STRIP1: variants seen among roughly 807,000 people sequenced by gnomAD.
STRIP1 encodes striatin interacting protein 1.
Under a neutral mutation model 106.2 loss-of-function variants are expected in STRIP1, and 63 were observed. That is an observed-to-expected ratio of 0.59 (90% CI 0.48 to 0.73). The LOEUF (loss-of-function observed/expected upper bound fraction) is 0.73. Ranked by LOEUF, STRIP1 falls within the 30% of genes least tolerant of loss-of-function variation. The pLI, the probability that STRIP1 is intolerant of heterozygous loss-of-function variation, is 0.00. For synonymous variants in STRIP1, 390 were observed against 413.0 expected (o/e 0.94, Z 0.67); for missense variants, 857 against 1,074.8 (o/e 0.80, Z 2.83).
intron 13 of STRIP1, 78 bp downstream of exon 13, chr1:110,046,829 A>G: frequency 5.7e-6 from 6 of 1,057,886 alleles, no homozygotes; most frequent in Non-Finnish European, 7.3e-6. Flanking sequence ...AGGAGGGCAG[A>G]TCATGAGGTC....
At chr1:110,040,412 C>T (rs1445281113) in intron 5 of STRIP1, among the ~76,000 whole-genome samples, 2 of 152,194 alleles carry the variant, frequency 1.3e-5, no homozygotes, top group Non-Finnish European at 2.9e-5. Flanking sequence ...AAACTCTTGA[C>T]CTCAGGTGAT....
At position 110,040,620 on chromosome 1, in the gene STRIP1, C is replaced by T. The variant is rs774413937; in HGVS notation, c.582-15C>T. 5.0e-6 allele frequency: 8 copies of T among 1,606,884 alleles called. No individual in the cohort carries two copies. The Admixed American group carries it at 1.2e-4, about 24-fold the overall frequency. On this transcript the variant is annotated splice_polypyrimidine_tract_variant and intron_variant, in intron 5 of 20. Coordinates refer to ENST00000369795, the MANE Select transcript of STRIP1 (RefSeq NM_033088.4). ...CTTCTTGGAGGAAGATGCTGACTCTCAAAATCTCCTGCAGCAACAGTGCCG... is the reference window on the plus strand; with the variant it reads ...CTTCTTGGAGGAAGATGCTGACTCTTAAAATCTCCTGCAGCAACAGTGCCG...
intron 12 of STRIP1, 179 bp downstream of exon 12, chr1:110,045,257 T>C (rs1416316049): frequency 1.3e-5 from 8 of 600,008 alleles, no homozygotes; most frequent in East Asian, 2.8e-5. Context: ...TGTTTTATTA[T>C]AAGTTTTACT....
At chr1:110,033,648 G>A (rs540373803), upstream of STRIP1, among the ~76,000 whole-genome samples, 6 of 152,070 alleles carry the variant, frequency 3.9e-5, no homozygotes, top group East Asian at 9.7e-4. Flanking sequence ...CCATCACAGG[G>A]GCCCTACCCT....
intron 18 of STRIP1, 95 bp from the exon 19 acceptor site, chr1:110,050,861 A>C: frequency 1.4e-6 from 1 of 738,958 alleles, no homozygotes; most frequent in Non-Finnish European, 2.5e-6. Context: ...AGGCCTGGAG[A>C]CCCGGCTGTC....
At chr1:110,035,791 A>ATAC (rs964092117) in intron 1 of STRIP1, among the ~76,000 whole-genome samples, 27 of 152,346 alleles carry the variant, frequency 1.8e-4, no homozygotes, top group Middle Eastern at 3.4e-3. Context: ...AAGAGCAATG[A>ATAC]TACTACCTTT....
intron 16 of STRIP1, 29 bp downstream of exon 16, chr1:110,049,267 G>T: frequency 6.2e-7 from 1 of 1,613,766 alleles, no homozygotes; most frequent in East Asian, 2.2e-5. Context: ...CTCCTGTCCT[G>T]TGGGCTGGGG....
At position 110,053,878 on chromosome 1, in the gene STRIP1, C is replaced by T. The variant is rs1653416945; in HGVS notation, c.2480C>T (p.Ser827Phe). ...CTCTGGTTAGAAAGGGAGGTCTTCT[C>T]CAAGCCCATTTCCTGGGAAGAGCTG... is the stretch of plus-strand genomic sequence containing the variant. ...YDLWLEREVF[S>F]KPISWEELLQ The change falls in exon 21 of 21, where the codon TCC (serine) becomes TTC (phenylalanine). Residue 827 changes from serine to phenylalanine, a missense_variant. Coordinates refer to ENST00000369795, the MANE Select transcript of STRIP1 (RefSeq NM_033088.4). 6.2e-7 allele frequency: 1 copy of T among 1,614,018 alleles called. No individual in the cohort carries two copies. Among genetic ancestry groups the T allele is most frequent in the African/African-American group, 1.3e-5 (1 of 74,922 alleles).
intron 5 of STRIP1, among the ~76,000 whole-genome samples, chr1:110,040,369 A>G (rs1652699665): frequency 6.6e-6 from 1 of 151,932 alleles, no homozygotes; most frequent in African/African-American, 2.4e-5. Flanking sequence ...TTTAGTAGAG[A>G]TGGGGTTTCG....
chr1:110,053,951 A>G lies in STRIP1; in HGVS notation c.*39A>G. ...GGGACTGAAATGGAGAGAAAAGATG[A>G]TCTGAAGGTACCTGTGGGACTGTCC... On this transcript the variant is annotated 3_prime_UTR_variant, in exon 21 of 21. Coordinates refer to ENST00000369795, the MANE Select transcript of STRIP1 (RefSeq NM_033088.4). 1 of 1,609,618 alleles carries G rather than the reference A, an allele frequency of 6.2e-7. No homozygotes were observed. The highest frequency in any genetic ancestry group is 8.5e-7 in the Non-Finnish European group (1 of 1,177,614).
rs1366636039 is a variant in STRIP1 at position 110,044,900 on chromosome 1, A to G, written c.1347A>G (p.Leu449=). The part of the protein sequence containing the change: ...SSRSKFIGYT[L]GSDTNTVVGL... ...GCAGCAAATTTATAGGTTACACTCT[A>G]GGCAGGTGAGTAAAAGCCGAGTTCA... The change falls in exon 11 of 21, where the codon CTA becomes CTG. Residue 449 remains leucine, a synonymous_variant. Coordinates refer to ENST00000369795, the MANE Select transcript of STRIP1 (RefSeq NM_033088.4). The G allele has an allele frequency of 6.2e-7, 1 of 1,614,202 alleles. No homozygotes were observed. The highest frequency in any genetic ancestry group is 8.5e-7 in the Non-Finnish European group (1 of 1,180,034).
chr1:110,043,487 T>C, intron 9 of STRIP1, 152 bp from the exon 10 acceptor site: 1 of 853,856 alleles, frequency 1.2e-6, no homozygotes. Context: ...AAGAAGTAGT[T>C]GATGGTTTGG....
At chr1:110,053,375 C>T (rs974785780) in intron 20 of STRIP1, among the ~76,000 whole-genome samples, 3 of 152,168 alleles carry the variant, frequency 2.0e-5, no homozygotes, top group Non-Finnish European at 4.4e-5. Flanking sequence ...TCCCTCTGAC[C>T]CCAGAGAGCC....
At chr1:110,049,757 C>CA in intron 17 of STRIP1, 197 bp downstream of exon 17, 1 of 557,326 alleles carries the variant, frequency 1.8e-6, no homozygotes, top group Admixed American at 3.4e-5. Flanking sequence ...CTAGTCCTGC[C>CA]CCAGGTGACT....
chr1:110,041,496 C>A, intron 6 of STRIP1, 40 bp from the exon 7 acceptor site: 1 of 1,506,638 alleles, frequency 6.6e-7, no homozygotes, highest in Non-Finnish European at 9.2e-7. Flanking sequence ...TCCTTTGACC[C>A]CCCCATCCCA....
chr1:110,053,903 G>T lies in STRIP1; in HGVS notation c.2505G>T (p.Leu835=). 1 of 1,614,098 alleles carries T rather than the reference G, an allele frequency of 6.2e-7. No individual in the cohort carries two copies. The highest frequency in any genetic ancestry group is 8.5e-7 in the Non-Finnish European group (1 of 1,180,010). The change falls in exon 21 of 21, where the codon CTG becomes CTT. Residue 835 remains leucine (L), a synonymous_variant. Coordinates refer to ENST00000369795, the MANE Select transcript of STRIP1 (RefSeq NM_033088.4). ...CCAAGCCCATTTCCTGGGAAGAGCT[G>T]CTGCAGTGAGGCTGTTGGTTAGGGG... is the stretch of plus-strand genomic sequence containing the variant. ...VFSKPISWEE[L]LQ
At chr1:110,032,376 G>A (rs1240008484), upstream of STRIP1, among the ~76,000 whole-genome samples, 2 of 152,194 alleles carry the variant, frequency 1.3e-5, no homozygotes, top group African/African-American at 2.4e-5. Flanking sequence ...AATCACTGGA[G>A]AGTTGTATCA....
In STRIP1 at chr1:110,041,492, G is replaced by GAC. The variant is rs780185076; in HGVS notation, c.651-43_651-42dup. On this transcript the variant is annotated intron_variant, in intron 6 of 20. Coordinates refer to ENST00000369795, the MANE Select transcript of STRIP1 (RefSeq NM_033088.4). ...TTGTTAGACACTAGGGTGCTCCTTT[G>GAC]ACCCCCCCATCCCACTCCATTGTGA... 5.2e-5 allele frequency: 77 copies of GAC among 1,479,798 alleles called. No homozygotes were observed. In the African/African-American group the frequency reaches 1.0e-3, roughly 19 times the overall value. 91.7% of individuals were successfully genotyped at this position (1,479,798 alleles called of 1,614,324 possible). A position where few individuals can be genotyped will look rare whatever the true frequency, so the allele number is the denominator to read the frequency against.
In STRIP1 at chr1:110,039,322, C is replaced by T. The variant is rs2101768114; in HGVS notation, c.460+16C>T. 6.2e-7 allele frequency: 1 copy of T among 1,614,002 alleles called. No individual in the cohort carries two copies. The highest frequency in any genetic ancestry group is 8.5e-7 in the Non-Finnish European group (1 of 1,179,940). ...GTTGCTCAAGGTATTGAGTGGACCT[C>T]CCCAGGGTTCCCTGGCACCTCTGCC... On this transcript the variant is annotated intron_variant, in intron 4 of 20. Coordinates refer to ENST00000369795, the MANE Select transcript of STRIP1 (RefSeq NM_033088.4).
Sources: allele counts gnomAD v4.1 joint callset (sites outside exome capture counted in the v4.1 genomes callset), GRCh38; gene constraint gnomAD v4.1.1; transcripts MANE v1.5; gene names NCBI Gene and HGNC (gene_info 2026-07-23, HGNC 2026-07-21).